BTBD10: variants seen among roughly 807,000 people sequenced by gnomAD.
BTBD10 encodes BTB/POZ domain-containing protein 10.
A neutral mutation model predicts 53.2 loss-of-function variants in BTBD10; 21 were observed. The ratio of observed to expected loss-of-function variants is 0.39; its 90% CI spans 0.28 to 0.57. BTBD10 has a LOEUF of 0.57. Among genes scored for constraint, BTBD10 ranks in the 20% least tolerant of loss-of-function variants. BTBD10 has a pLI of 0.53. For synonymous variants in BTBD10, 149 were observed against 192.7 expected (o/e 0.77, Z 1.88); for missense variants, 360 against 594.7 (o/e 0.61, Z 4.10).
chr11:13,416,361 A>C (rs1027852072), intron 5 of BTBD10, among the ~76,000 whole-genome samples: 10 of 152,182 alleles, frequency 6.6e-5, no homozygotes, highest in East Asian at 5.8e-4. Flanking sequence ...CTGGGGCAAA[A>C]AACAACAACA....
chr11:13,417,284 A>C, intron 4 of BTBD10, 24 bp from the exon 5 acceptor site: 7 of 1,514,330 alleles, frequency 4.6e-6, no homozygotes, highest in Non-Finnish European at 6.4e-6. Context: ...TAATTGAGAA[A>C]TACGTCAATA....
intron 8 of BTBD10, among the ~76,000 whole-genome samples, chr11:13,400,853 G>A (rs1388894204): frequency 6.6e-6 from 1 of 152,066 alleles, no homozygotes; most frequent in Non-Finnish European, 1.5e-5. Flanking sequence ...CCTTCTACAA[G>A]ACAACTGGCC....
At chr11:13,457,935 A>T (rs973291783) in intron 1 of BTBD10, among the ~76,000 whole-genome samples, 1 of 152,176 alleles carries the variant, frequency 6.6e-6, no homozygotes, top group Admixed American at 6.5e-5. Flanking sequence ...ACAGTCAGAA[A>T]GAAATTACTC....
intron 1 of BTBD10, chr11:13,462,887 A>C (rs1951132649): frequency 6.6e-6 from 1 of 152,448 alleles, no homozygotes; most frequent in African/African-American, 2.4e-5. Flanking sequence ...CTCAAGTCTT[A>C]TCCCGGCCTC....
chr11:13,422,316 T>C (rs1335038354), intron 2 of BTBD10, among the ~76,000 whole-genome samples: 3 of 152,072 alleles, frequency 2.0e-5, no homozygotes, highest in African/African-American at 7.3e-5. Context: ...GTTGAGCCTT[T>C]TCAAAACACT....
At chr11:13,405,879 ATC>A (rs1949811684) in intron 6 of BTBD10, 23 bp from the exon 7 acceptor site, 1 of 1,607,370 alleles carries the variant, frequency 6.2e-7, no homozygotes, top group Admixed American at 1.7e-5. Context: ...CCACAAAAAT[ATC>A]TTACCAAAAC....
At chr11:13,417,950 A>T (rs1950155297) in intron 4 of BTBD10, among the ~76,000 whole-genome samples, 2 of 152,190 alleles carry the variant, frequency 1.3e-5, no homozygotes, top group Admixed American at 1.3e-4. Flanking sequence ...TTGGCCCTTC[A>T]ACAGTGGCTG....
At chr11:13,389,427 A>G (rs565716159) in intron 8 of BTBD10, among the ~76,000 whole-genome samples, 1 of 109,180 alleles carries the variant, frequency 9.2e-6, no homozygotes, top group African/African-American at 3.2e-5. Flanking sequence ...GTCTCTAGCT[A>G]TGTATCCTTT....
chr11:13,447,353 C>CT (rs767012840), intron 1 of BTBD10, among the ~76,000 whole-genome samples: 22 of 152,142 alleles, frequency 1.4e-4, no homozygotes, highest in Non-Finnish European at 3.2e-4. Flanking sequence ...AACTCCTGGG[C>CT]TCAAATGATC....
At chr11:13,418,185 A>C (rs1159835623) in intron 4 of BTBD10, among the ~76,000 whole-genome samples, 3 of 57,506 alleles carry the variant, frequency 5.2e-5, no homozygotes, top group Non-Finnish European at 2.1e-4. Flanking sequence ...CAAAGTTTCC[A>C]AAAAAAAATG....
intron 2 of BTBD10, among the ~76,000 whole-genome samples, chr11:13,431,424 T>C (rs1056893638): frequency 2.0e-5 from 3 of 152,152 alleles, no homozygotes; most frequent in African/African-American, 7.2e-5. Context: ...AACTAAGGAA[T>C]ATCAATCACT....
At chr11:13,420,609 C>G (rs1368519000) in intron 3 of BTBD10, among the ~76,000 whole-genome samples, 2 of 152,096 alleles carry the variant, frequency 1.3e-5, no homozygotes, top group Admixed American at 6.5e-5. Context: ...CATCTCATCA[C>G]TTTCATCAGC....
chr11:13,404,477 T>C (rs1949775397), intron 7 of BTBD10: 7 of 312,482 alleles, frequency 2.2e-5, no homozygotes, highest in Non-Finnish European at 2.8e-5. Context: ...CTGTACCTTC[T>C]TGGGGTCAAA....
At chr11:13,394,903 T>C (rs1949501297) in intron 8 of BTBD10, among the ~76,000 whole-genome samples, 1 of 151,816 alleles carries the variant, frequency 6.6e-6, no homozygotes, top group Non-Finnish European at 1.5e-5. Flanking sequence ...TAGTATTCCA[T>C]GGTGTGTATG....
At chr11:13,462,441 G>A (rs1951120523) in intron 1 of BTBD10, among the ~76,000 whole-genome samples, 1 of 152,174 alleles carries the variant, frequency 6.6e-6, no homozygotes, top group Admixed American at 6.5e-5. Flanking sequence ...ACTGAGAAAG[G>A]AGAAGCAGGA....
chr11:13,447,980 T>C (rs542802904), intron 1 of BTBD10, among the ~76,000 whole-genome samples: 49 of 152,312 alleles, frequency 3.2e-4, no homozygotes, highest in African/African-American at 1.1e-3. Flanking sequence ...TAACTGTAAA[T>C]GGTTGAAAGG....
chr11:13,453,337 A>G (rs1301238642), intron 1 of BTBD10, among the ~76,000 whole-genome samples: 17 of 152,168 alleles, frequency 1.1e-4, no homozygotes, highest in Admixed American at 1.1e-3. Flanking sequence ...ACACTCATCC[A>G]TGCTTGTATA....
At chr11:13,419,827 T>C (rs546365304) in intron 3 of BTBD10, 82 bp from the exon 4 acceptor site, 12 of 1,245,284 alleles carry the variant, frequency 9.6e-6, no homozygotes, top group Admixed American at 2.7e-5. Flanking sequence ...AAATGTTTGA[T>C]TTATAAAAGT....
intron 7 of BTBD10, 27 bp from the exon 8 acceptor site, chr11:13,403,305 G>C: frequency 8.2e-7 from 1 of 1,224,788 alleles, no homozygotes; most frequent in Non-Finnish European, 1.1e-6. Context: ...AAATATTATT[G>C]TATTAAAATT....
Sources: allele counts gnomAD v4.1 joint callset (sites outside exome capture counted in the v4.1 genomes callset), GRCh38; gene constraint gnomAD v4.1.1; transcripts MANE v1.5; gene names NCBI Gene and HGNC (gene_info 2026-07-23, HGNC 2026-07-21).